The following TBC1D4 variants were observed in gnomAD, a reference collection of about 807,000 sequenced individuals.
TBC1D4 encodes TBC1 domain family member 4, also known as TBC (Tre-2, BUB2, CDC16) domain-containing protein.
In TBC1D4, 121 loss-of-function variants were observed where a neutral mutation model predicts 142.5. That is an observed-to-expected ratio of 0.85 (90% CI 0.73 to 0.99). The LOEUF (loss-of-function observed/expected upper bound fraction) is 0.99, where lower values mean the gene tolerates loss of function less well. Among genes scored for constraint, TBC1D4 ranks in the 50% least tolerant of loss-of-function variants. The pLI, the probability that TBC1D4 is intolerant of heterozygous loss-of-function variation, is 0.00. For missense variants in TBC1D4, 1,475 were observed against 1,606.6 expected, an observed-to-expected ratio of 0.92 and a Z score of 1.40; for synonymous variants, 630 against 628.2, an observed-to-expected ratio of 1.00 and a Z score of -0.04.
In TBC1D4 at chr13:75,481,475, C is replaced by T; in HGVS notation, c.293G>A (p.Gly98Asp). Residue 98 changes from glycine to aspartate, a missense_variant, in exon 1 of 21, where the codon GGC becomes GAC. By Grantham distance (94) the Gly-to-Asp change is moderately conservative (BLOSUM62 -1). Coordinates refer to ENST00000377636, the MANE Select transcript of TBC1D4 (RefSeq NM_014832.5). ...APFLRCVPAP[G>D]AGASGGTSPS... ...ACTAGTGCCCCCCGAGGCCCCAGCG[C>T]CCGGCGCGGGGACGCAACGCAGGAA... 1.2e-6 allele frequency: 2 copies of T among 1,613,396 alleles called. No individual in the cohort carries two copies. The highest frequency in any genetic ancestry group is 1.1e-5 in the South Asian group (1 of 91,038).
At chr13:75,404,359 G>A (rs1885234457) in intron 1 of TBC1D4, among the ~76,000 whole-genome samples, 1 of 152,066 alleles carries the variant, frequency 6.6e-6, no homozygotes, top group Admixed American at 6.6e-5. Flanking sequence ...CTTCAGTATG[G>A]ACACCCAAAT....
Position 75,307,347 on chromosome 13 carries a change from G to C in TBC1D4, c.2594-876C>G, listed in dbSNP as rs1464668195. Among the ~76,000 whole-genome samples the C allele has an allele frequency of 3.3e-5, 5 of 152,264 alleles. No individual in the cohort carries two copies. The East Asian group carries it at 9.6e-4, about 29-fold the overall frequency. On this transcript the variant is annotated intron_variant, in intron 14 of 20. Coordinates refer to ENST00000377636, the MANE Select transcript of TBC1D4 (RefSeq NM_014832.5). ...AATTCTATTTTTAAAATAATATAGA[G>C]TTCTCTCTAATTTGATGGTCTAACA... is the stretch of plus-strand genomic sequence containing the variant.
At chr13:75,323,691 T>G (rs925582781) in intron 11 of TBC1D4, among the ~76,000 whole-genome samples, 1 of 152,128 alleles carries the variant, frequency 6.6e-6, no homozygotes, top group African/African-American at 2.4e-5. Context: ...ATCTAAGAGT[T>G]GCTATCCATA....
At chr13:75,341,641 G>C (rs1880715183) in intron 5 of TBC1D4, 54 bp from the exon 6 acceptor site, 1 of 1,422,854 alleles carries the variant, frequency 7.0e-7, no homozygotes. Context: ...CAGAGATCCA[G>C]GGGCAGAGAA....
chr13:75,304,401 CTCAT>C (rs1003474773), intron 15 of TBC1D4, among the ~76,000 whole-genome samples: 1 of 152,162 alleles, frequency 6.6e-6, no homozygotes, highest in African/African-American at 2.4e-5. Context: ...GGAAAATCAT[CTCAT>C]TCATTCATTC....
At chr13:75,363,593 T>C (rs1419818267) in intron 1 of TBC1D4, among the ~76,000 whole-genome samples, 1 of 152,206 alleles carries the variant, frequency 6.6e-6, no homozygotes, top group African/African-American at 2.4e-5. Flanking sequence ...TCCAGACGGA[T>C]CCAAGGTACT....
chr13:75,308,514 TA>T (rs1211876918), intron 14 of TBC1D4, among the ~76,000 whole-genome samples: 2 of 152,204 alleles, frequency 1.3e-5, no homozygotes, highest in Non-Finnish European at 2.9e-5. Flanking sequence ...TCTAGCTAAG[TA>T]ATCTCTAAGG....
chr13:75,392,305 T>C (rs1324939047), intron 1 of TBC1D4, among the ~76,000 whole-genome samples: 1 of 152,136 alleles, frequency 6.6e-6, no homozygotes, highest in Non-Finnish European at 1.5e-5. Flanking sequence ...ATATCCTCCT[T>C]CTCACTTTAT....
At chr13:75,459,328 T>C in intron 1 of TBC1D4, among the ~76,000 whole-genome samples, 1 of 152,226 alleles carries the variant, frequency 6.6e-6, no homozygotes, top group East Asian at 1.9e-4. Context: ...ATTCCTTGCC[T>C]AATACCTAAC....
chr13:75,370,052 T>C (rs1406702397), intron 1 of TBC1D4, among the ~76,000 whole-genome samples: 1 of 152,186 alleles, frequency 6.6e-6, no homozygotes, highest in African/African-American at 2.4e-5. Context: ...GGACTCTCTA[T>C]AAGATGATAT....
chr13:75,329,913 C>T (rs1473243334), intron 8 of TBC1D4, among the ~76,000 whole-genome samples: 1 of 152,190 alleles, frequency 6.6e-6, no homozygotes. Flanking sequence ...CTCTTTGGAA[C>T]AGAATCTAAG....
intron 7 of TBC1D4, 132 bp downstream of exon 7, chr13:75,340,993 G>T: frequency 1.3e-6 from 1 of 758,988 alleles, no homozygotes; most frequent in East Asian, 2.6e-5. Flanking sequence ...AATGCTGGGC[G>T]GGGGAGTGAG....
chr13:75,435,368 C>T (rs1292214309), intron 1 of TBC1D4, among the ~76,000 whole-genome samples: 1 of 146,344 alleles, frequency 6.8e-6, no homozygotes, highest in Non-Finnish European at 1.5e-5. Context: ...AAAAAAAAAA[C>T]TTTGATATAA....
intron 8 of TBC1D4, among the ~76,000 whole-genome samples, chr13:75,336,580 C>T (rs536417283): frequency 2.4e-4 from 36 of 152,016 alleles, no homozygotes; most frequent in African/African-American, 8.0e-4. Context: ...TGGTGATGTA[C>T]ACCTGTAATC....
At chr13:75,295,382 G>A (rs773333442) in intron 17 of TBC1D4, among the ~76,000 whole-genome samples, 33 of 152,258 alleles carry the variant, frequency 2.2e-4, no homozygotes, top group Non-Finnish European at 3.8e-4. Flanking sequence ...ACTAATTCCA[G>A]AAAAGCCTCC....
Position 75,441,238 on chromosome 13 carries a change from A to G in TBC1D4, c.498+40032T>C, listed in dbSNP as rs1887025998. On this transcript the variant is annotated intron_variant, in intron 1 of 20. Transcript: ENST00000377636. ...ACCACTGCACTCCAGCTCGGGCAAC[A>G]GTGTGAGACTCTGTCTCAAAAAACA... Among the ~76,000 whole-genome samples, 4 of 152,148 alleles carry G rather than the reference A, an allele frequency of 2.6e-5. No individual in the cohort carries two copies. In the South Asian group the frequency reaches 8.3e-4, roughly 31 times the overall value.
chr13:75,448,610 T>TA (rs764451867), intron 1 of TBC1D4, among the ~76,000 whole-genome samples: 12 of 149,864 alleles, frequency 8.0e-5, no homozygotes, highest in South Asian at 4.2e-4. Context: ...AAAAACACCA[T>TA]AAAAAAACTC....
intron 8 of TBC1D4, among the ~76,000 whole-genome samples, chr13:75,334,693 C>G (rs572506959): frequency 2.9e-4 from 44 of 152,114 alleles, no homozygotes; most frequent in Non-Finnish European, 5.0e-4. Flanking sequence ...CAGTGATTCT[C>G]GTGCCTCAGC....
rs1451444603 is a variant in TBC1D4 at position 75,312,870 on chromosome 13, A to G, written c.2251T>C (p.Ser751Pro). ...SDGEGRKRTSSTCSNESLSVG... is the reference protein window; with the variant it reads ...SDGEGRKRTSPTCSNESLSVG... The stretch of plus-strand genomic sequence containing the variant: ...CTTAGGGACTCATTGCTGCAGGTAG[A>G]TGAGGTCCTTTTTCTCCCTTCTCCA... The change falls in exon 13 of 21, where the codon TCT (serine) becomes CCT (proline). Residue 751 changes from serine to proline, a missense_variant. Ser to Pro is a moderately conservative substitution (Grantham distance 74, BLOSUM62 -1). This residue lies in a region of TBC1D4 where 1,227 missense variants were observed against 1,267.7 expected (regional missense o/e 0.97). Coordinates refer to ENST00000377636, the MANE Select transcript of TBC1D4 (RefSeq NM_014832.5). 5 of 1,614,066 alleles carry G rather than the reference A, an allele frequency of 3.1e-6. No homozygotes were observed. Among genetic ancestry groups the G allele is most frequent in the Admixed American group, 1.7e-5 (1 of 60,006 alleles).
Sources: allele counts gnomAD v4.1 joint callset (sites outside exome capture counted in the v4.1 genomes callset), GRCh38; gene constraint gnomAD v4.1.1; regional missense constraint gnomAD v4.1.1; transcripts MANE v1.5; gene names NCBI Gene and HGNC (gene_info 2026-07-23, HGNC 2026-07-21).